Variants in FSTL5 observed in about 807,000 individuals in gnomAD.
The protein encoded by FSTL5 is follistatin like 5.
Under a neutral mutation model 89.1 loss-of-function variants are expected in FSTL5, and 62 were observed. That is an observed-to-expected ratio of 0.70 (90% confidence interval 0.57 to 0.86). The LOEUF is 0.86. Among genes scored for constraint, FSTL5 ranks in the 40% least tolerant of loss-of-function variants. The pLI, the probability that FSTL5 is intolerant of heterozygous loss-of-function variation, is 0.00. For missense variants in FSTL5, 1,057 were observed against 1,001.6 expected (o/e 1.06, Z -0.75); for synonymous variants, 383 against 346.2 (o/e 1.11, Z -1.18).
chr4:161,465,930 T>G (rs149625787), intron 13 of FSTL5, among the ~76,000 whole-genome samples: 8 of 152,188 alleles, frequency 5.3e-5, no homozygotes, highest in African/African-American at 1.9e-4. Context: ...TTTCGAATAA[T>G]AATTTTAAAA....
chr4:162,013,216 A>G (rs974181948), intron 3 of FSTL5, among the ~76,000 whole-genome samples: 2 of 151,934 alleles, frequency 1.3e-5, no homozygotes, highest in African/African-American at 4.8e-5. Flanking sequence ...GTATACCTTC[A>G]CAATGTCTAT....
chr4:161,666,473 T>C (rs1391404023), intron 6 of FSTL5, among the ~76,000 whole-genome samples: 1 of 152,080 alleles, frequency 6.6e-6, no homozygotes, highest in Non-Finnish European at 1.5e-5. Flanking sequence ...GCTCCATTAG[T>C]AAAGGAAGCC....
At chr4:161,790,194 T>C (rs1729410807) in intron 4 of FSTL5, among the ~76,000 whole-genome samples, 1 of 152,178 alleles carries the variant, frequency 6.6e-6, no homozygotes, top group Admixed American at 6.5e-5. Context: ...GAAGACACAA[T>C]GTTTTGATTG....
rs188615105 is a variant in FSTL5, at chr4:161,892,583, T to A, written c.409+27821A>T. Among the ~76,000 whole-genome samples, 14 of 152,164 alleles carry A rather than the reference T, an allele frequency of 9.2e-5. No individual in the cohort carries two copies. In the East Asian group the frequency reaches 2.7e-3, roughly 29 times the overall value. ...AATGTTGACTGTATCTCTGTAAATATTCTTCACAGGTTTTCAAACTTGAAG... is the reference window on the plus strand; with the variant it reads ...AATGTTGACTGTATCTCTGTAAATAATCTTCACAGGTTTTCAAACTTGAAG... On this transcript the variant is annotated intron_variant, in intron 4 of 15. Coordinates refer to ENST00000306100, the MANE Select transcript of FSTL5 (RefSeq NM_020116.5).
At chr4:161,642,080 G>T (rs1735986042) in intron 7 of FSTL5, among the ~76,000 whole-genome samples, 1 of 152,072 alleles carries the variant, frequency 6.6e-6, no homozygotes, top group Non-Finnish European at 1.5e-5. Context: ...TTTAAGAGAT[G>T]CAGCTTGATG....
At chr4:161,444,554 T>C (rs1732881191) in intron 15 of FSTL5, among the ~76,000 whole-genome samples, 1 of 151,780 alleles carries the variant, frequency 6.6e-6, no homozygotes, top group African/African-American at 2.4e-5. Flanking sequence ...TAGGGAAATT[T>C]CAACAAATTT....
At chr4:161,649,532 C>T (rs577716179) in intron 7 of FSTL5, among the ~76,000 whole-genome samples, 5 of 152,170 alleles carry the variant, frequency 3.3e-5, no homozygotes, top group East Asian at 1.9e-4. Flanking sequence ...AAAAATGATA[C>T]GCAGAGTTGG....
chr4:161,998,394 A>G (rs1263447043), intron 3 of FSTL5, among the ~76,000 whole-genome samples: 3 of 152,138 alleles, frequency 2.0e-5, no homozygotes, highest in Non-Finnish European at 4.4e-5. Flanking sequence ...GGAAGGTAAG[A>G]GCCTACCTTC....
chr4:161,859,912 C>A (rs923908502), intron 4 of FSTL5, among the ~76,000 whole-genome samples: 2 of 151,994 alleles, frequency 1.3e-5, no homozygotes, highest in Non-Finnish European at 2.9e-5. Context: ...GACTACAGAA[C>A]GAAATGAATG....
At chr4:161,502,428 A>G (rs1386688328) in intron 11 of FSTL5, among the ~76,000 whole-genome samples, 1 of 151,932 alleles carries the variant, frequency 6.6e-6, no homozygotes, top group Non-Finnish European at 1.5e-5. Flanking sequence ...TTACTGAAGA[A>G]ATACAGATAT....
At chr4:162,049,270 G>C (rs1262658821) in intron 2 of FSTL5, among the ~76,000 whole-genome samples, 1 of 152,062 alleles carries the variant, frequency 6.6e-6, no homozygotes, top group African/African-American at 2.4e-5. Flanking sequence ...AACTCTAAAG[G>C]CTTTATCAAT....
chr4:161,476,034 A>T (rs2126444044), intron 13 of FSTL5, among the ~76,000 whole-genome samples: 1 of 150,332 alleles, frequency 6.7e-6, no homozygotes, highest in Non-Finnish European at 1.5e-5. Context: ...ATTACAGGTG[A>T]TTCTGTTTTC....
chr4:162,146,464 G>A (rs1217456195), intron 1 of FSTL5, among the ~76,000 whole-genome samples: 2 of 89,522 alleles, frequency 2.2e-5, no homozygotes, highest in African/African-American at 7.5e-5. Context: ...TTTTATAATA[G>A]GCTTTAGATT....
chr4:161,444,678 T>C (rs1026868677), intron 15 of FSTL5, among the ~76,000 whole-genome samples: 4 of 93,806 alleles, frequency 4.3e-5, no homozygotes, highest in African/African-American at 8.4e-5. Context: ...TGTAGATCTG[T>C]TATGAGGAGT....
At chr4:161,613,050 G>A (rs1365884524) in intron 7 of FSTL5, among the ~76,000 whole-genome samples, 1 of 152,012 alleles carries the variant, frequency 6.6e-6, no homozygotes, top group Non-Finnish European at 1.5e-5. Context: ...CACCTCAGAG[G>A]GTGGCTAATA....
chr4:161,423,857 A>G (rs1461010538), intron 15 of FSTL5, among the ~76,000 whole-genome samples: 2 of 149,900 alleles, frequency 1.3e-5, no homozygotes, highest in African/African-American at 2.4e-5. Context: ...ATTTTATTTT[A>G]TTTATTTTAT....
intron 1 of FSTL5, among the ~76,000 whole-genome samples, chr4:162,160,776 T>C (rs1733664534): frequency 1.3e-5 from 2 of 151,656 alleles, no homozygotes; most frequent in Admixed American, 1.3e-4. Context: ...ATTTCAGATT[T>C]ATTATGACTT....
intron 4 of FSTL5, among the ~76,000 whole-genome samples, chr4:161,839,797 T>C (rs1258594510): frequency 6.6e-6 from 1 of 152,184 alleles, no homozygotes; most frequent in Non-Finnish European, 1.5e-5. Flanking sequence ...GATTACATAG[T>C]GTATGCATTT....
At chr4:161,611,151 T>C (rs1734622443) in intron 7 of FSTL5, among the ~76,000 whole-genome samples, 1 of 147,770 alleles carries the variant, frequency 6.8e-6, no homozygotes, top group East Asian at 2.0e-4. Context: ...TCTATATATA[T>C]GTGTGTGTAT....
Sources: gnomAD v4.1 joint callset for allele counts (sites outside exome capture counted in the v4.1 genomes callset) on GRCh38, gnomAD v4.1.1 for gene constraint, MANE v1.5 for transcripts, NCBI Gene and HGNC (gene_info 2026-07-23, HGNC 2026-07-21) for gene names.